CCN4: variants seen among roughly 807,000 people sequenced by gnomAD.
CCN4 encodes CCN family member 4.
A neutral mutation model predicts 36.7 loss-of-function variants in CCN4; 30 were observed. That is an observed-to-expected ratio of 0.82 (90% confidence interval 0.61 to 1.11). The LOEUF (loss-of-function observed/expected upper bound fraction) is 1.11. Ranked by LOEUF, CCN4 falls within the 50% of genes least tolerant of loss-of-function variation. The probability of loss-of-function intolerance (pLI) is 0.00; values close to 1 mark genes in which losing one functional copy is unlikely to be tolerated. For missense variants in CCN4, 505 were observed against 504.9 expected (o/e 1.00, Z 0.00); for synonymous variants, 191 against 195.4 (o/e 0.98, Z 0.19).
chr8:133,197,686 G>A (rs375731499), intron 1 of CCN4, among the ~76,000 whole-genome samples: 53 of 152,264 alleles, frequency 3.5e-4, no homozygotes, highest in Non-Finnish European at 3.1e-4. Context: ...CCACCCCACC[G>A]TCTCCAATCT....
intron 1 of CCN4, among the ~76,000 whole-genome samples, chr8:133,202,147 A>T (rs2130545102): frequency 6.6e-6 from 1 of 152,306 alleles, no homozygotes; most frequent in South Asian, 2.1e-4. Context: ...AATGAAAATG[A>T]TGTATTTTAC....
chr8:133,192,397 G>A (rs1005581288), intron 1 of CCN4, among the ~76,000 whole-genome samples: 4 of 152,150 alleles, frequency 2.6e-5, no homozygotes, highest in South Asian at 2.1e-4. Flanking sequence ...AAATCCTCAC[G>A]CCTGGCATGG....
chr8:133,191,416 C>T lies in CCN4; in HGVS notation c.69+203C>T, dbSNP rs553460577. On this transcript the variant is annotated intron_variant, in intron 1 of 4. Transcript: ENST00000250160. Reference sequence around the variant, plus strand: ...AGCTGGCAGGGTGAGGAGGACGGTGCGACACTTGGGGAAACAAACTGCACA... The same window carrying T: ...AGCTGGCAGGGTGAGGAGGACGGTGTGACACTTGGGGAAACAAACTGCACA... Among the ~76,000 whole-genome samples the T allele has an allele frequency of 3.3e-5, 5 of 152,244 alleles. 1 individual carries two copies. In the South Asian group the frequency reaches 6.2e-4, roughly 19 times the overall value.
rs59929763 is a variant in CCN4, at chr8:133,224,229, C to CTTTTTTT, written c.611-1138_611-1132dup. Among the ~76,000 whole-genome samples, 18 of 88,494 alleles carry CTTTTTTT rather than the reference C, an allele frequency of 2.0e-4. 9 individuals carry two copies. The highest frequency in any genetic ancestry group is 1.8e-4 in the African/African-American group (4 of 22,448). 58.1% of individuals were successfully genotyped at this position (88,494 alleles called of 152,430 possible). A position where few individuals can be genotyped will look rare whatever the true frequency, so the allele number is the denominator to read the frequency against. On this transcript the variant is annotated intron_variant, in intron 3 of 4. Transcript: ENST00000250160. The stretch of plus-strand genomic sequence containing the variant: ...GATTTGAATTTGAAGCCCGTAAGTC[C>CTTTTTTT]TTTTTTTTTTTTTTTTTTTTTTTTT...
chr8:133,213,157 C>T lies in CCN4; in HGVS notation c.349+14C>T, dbSNP rs1854127789. ...GAGTGTGTGCACGTAAGTGAGTCCT[C>T]CATACCTTCTGACCAGCCCCTGAGC... On this transcript the variant is annotated intron_variant, in intron 2 of 4. Coordinates refer to ENST00000250160, the MANE Select transcript of CCN4 (RefSeq NM_003882.4). 4.5e-6 allele frequency: 7 copies of T among 1,549,226 alleles called. No homozygotes were observed. Among genetic ancestry groups the T allele is most frequent in the Non-Finnish European group, 5.3e-6 (6 of 1,134,420 alleles).
intron 2 of CCN4, among the ~76,000 whole-genome samples, chr8:133,218,910 G>A (rs1485520733): frequency 6.6e-6 from 1 of 152,148 alleles, no homozygotes; most frequent in Non-Finnish European, 1.5e-5. Context: ...GTCCAAAGAG[G>A]ACAGAGCATC....
Position 133,212,876 on chromosome 8 carries a change from G to T in CCN4, c.82G>T (p.Ala28Ser). The T allele has an allele frequency of 6.3e-7, 1 of 1,576,530 alleles. No homozygotes were observed. Among genetic ancestry groups the T allele is most frequent in the Non-Finnish European group, 8.7e-7 (1 of 1,154,352 alleles). ...STVLATALSP[A>S]PTTMDFTPAP... Reference sequence around the variant, plus strand: ...CCTCCCCCCGCAGGCCCTCTCTCCAGCCCCTACGACCATGGACTTTACCCC... The same window carrying T: ...CCTCCCCCCGCAGGCCCTCTCTCCATCCCCTACGACCATGGACTTTACCCC... The change falls in exon 2 of 5, where the codon GCC becomes TCC. Residue 28 changes from alanine to serine, a missense_variant. By Grantham distance (99) the Ala-to-Ser change is moderately conservative (BLOSUM62 1). Transcript: ENST00000250160.
chr8:133,193,238 A>C (rs1025077010), intron 1 of CCN4, among the ~76,000 whole-genome samples: 26 of 152,236 alleles, frequency 1.7e-4, no homozygotes, highest in African/African-American at 6.3e-4. Flanking sequence ...CTTAATGGAA[A>C]AAATTGTTGT....
intron 1 of CCN4, among the ~76,000 whole-genome samples, chr8:133,207,463 C>T (rs918873650): frequency 6.6e-6 from 1 of 152,230 alleles, no homozygotes; most frequent in Admixed American, 6.5e-5. Flanking sequence ...GGAGCATGTC[C>T]CCAAAATTCA....
At position 133,191,232 on chromosome 8, in the gene CCN4, G is replaced by A. The variant is rs754423380; in HGVS notation, c.69+19G>A. 24 of 1,601,134 alleles carry A rather than the reference G, an allele frequency of 1.5e-5. No homozygotes were observed. Among genetic ancestry groups the A allele is most frequent in the Non-Finnish European group, 2.0e-5 (24 of 1,177,812 alleles). The stretch of plus-strand genomic sequence containing the variant: ...GGCCACGGTGAGTCCTGCCTGGAGG[G>A]GCTCAGAGGGAGACCCAGCTCCCTT... On this transcript the variant is annotated intron_variant, in intron 1 of 4. Coordinates refer to ENST00000250160, the MANE Select transcript of CCN4 (RefSeq NM_003882.4).
chr8:133,222,083 C>T (rs111892634), intron 3 of CCN4, among the ~76,000 whole-genome samples: 3,073 of 141,638 alleles, frequency 0.022, 95 homozygotes, highest in African/African-American at 0.075. Flanking sequence ...GGATAGATGA[C>T]GGACAAATAG....
At chr8:133,201,371 A>G (rs1395773731) in intron 1 of CCN4, among the ~76,000 whole-genome samples, 1 of 152,182 alleles carries the variant, frequency 6.6e-6, no homozygotes, top group Non-Finnish European at 1.5e-5. Context: ...GGGAGAGTGC[A>G]ATCTGAATGT....
chr8:133,194,971 G>T (rs542821105), intron 1 of CCN4, among the ~76,000 whole-genome samples: 2 of 147,552 alleles, frequency 1.4e-5, no homozygotes, highest in East Asian at 2.1e-4. Context: ...TGTGTGTGGT[G>T]TGTGTGTTGA....
At position 133,213,154 on chromosome 8, in the gene CCN4, C is replaced by CT. The variant is rs772187704; in HGVS notation, c.349+11_349+12insT. The CT allele has an allele frequency of 1.4e-6, 2 of 1,436,566 alleles. No individual in the cohort carries two copies. The highest frequency in any genetic ancestry group is 1.2e-5 in the South Asian group (1 of 85,224). 89.0% of individuals were successfully genotyped at this position (1,436,566 alleles called of 1,614,324 possible). ...TAGGAGTGTGTGCACGTAAGTGAGT[C>CT]CTCCATACCTTCTGACCAGCCCCTG... On this transcript the variant is annotated intron_variant, in intron 2 of 4. Transcript: ENST00000250160.
chr8:133,191,091 G>A lies in CCN4; in HGVS notation c.-54G>A. The A allele has an allele frequency of 6.3e-7, 1 of 1,593,294 alleles. No homozygotes were observed. The highest frequency in any genetic ancestry group is 8.5e-7 in the Non-Finnish European group (1 of 1,172,900). Reference sequence around the variant, plus strand: ...AGTCTGGGCCCAGCTCCCCCGAGAGGTGGTCGGATCCTCTGGGCTGCTCGG... The same window carrying A: ...AGTCTGGGCCCAGCTCCCCCGAGAGATGGTCGGATCCTCTGGGCTGCTCGG... On this transcript the variant is annotated 5_prime_UTR_variant, in exon 1 of 5. The change creates a new upstream start codon in the 5' untranslated region. Coordinates refer to ENST00000250160, the MANE Select transcript of CCN4 (RefSeq NM_003882.4).
At chr8:133,211,235 T>C (rs954303527) in intron 1 of CCN4, among the ~76,000 whole-genome samples, 33 of 152,318 alleles carry the variant, frequency 2.2e-4, no homozygotes, top group African/African-American at 7.9e-4. Context: ...CTTTGCGTAG[T>C]AAATCCCTCG....
chr8:133,215,365 T>C (rs1854280525), intron 2 of CCN4, among the ~76,000 whole-genome samples: 1 of 152,210 alleles, frequency 6.6e-6, no homozygotes, highest in Non-Finnish European at 1.5e-5. Flanking sequence ...CTGGACTTCT[T>C]ACACTAGAAC....
chr8:133,197,816 C>G (rs1327764965), intron 1 of CCN4, among the ~76,000 whole-genome samples: 1 of 152,088 alleles, frequency 6.6e-6, no homozygotes, highest in Non-Finnish European at 1.5e-5. Flanking sequence ...AGGGGTCCAC[C>G]CTGCAGCTCT....
intron 1 of CCN4, among the ~76,000 whole-genome samples, chr8:133,212,529 T>C (rs1374925750): frequency 6.6e-6 from 1 of 151,734 alleles, no homozygotes; most frequent in Non-Finnish European, 1.5e-5. Context: ...CTCGGCTTTC[T>C]CCCTGTAAAG....
Sources: allele counts gnomAD v4.1 joint callset (sites outside exome capture counted in the v4.1 genomes callset), GRCh38; gene constraint gnomAD v4.1.1; transcripts MANE v1.5; gene names NCBI Gene and HGNC (gene_info 2026-07-23, HGNC 2026-07-21).